The following DMD variants were observed in gnomAD, a reference collection of about 807,000 sequenced individuals.
DMD encodes the protein dystrophin, also known as mutant dystrophin.
DMD carries 63 observed loss-of-function variants against 330.1 expected under a neutral mutation model. The ratio of observed to expected loss-of-function variants is 0.19; its 90% confidence interval spans 0.16 to 0.24. The LOEUF (loss-of-function observed/expected upper bound fraction) is 0.24, where lower values mean the gene tolerates loss of function less well. Ranked by LOEUF, DMD falls within the 10% of genes least tolerant of loss-of-function variation. The pLI is 1.00. For missense variants in DMD, 3,344 were observed against 2,684.1 expected (o/e 1.25, Z -5.43); for synonymous variants, 1,223 against 959.8 (o/e 1.27, Z -5.07).
chrX:31,591,050 TGTAAGA>T (rs1247851304), intron 55 of DMD, among the ~76,000 whole-genome samples: 2 of 111,886 alleles, frequency 1.8e-5, no homozygotes, highest in African/African-American at 3.2e-5. Context: ...TGAGTTGCGC[TGTAAGA>T]GTAAAACTTA....
intron 60 of DMD, among the ~76,000 whole-genome samples, chrX:31,378,554 T>C (rs2060000585): frequency 9.0e-6 from 1 of 110,559 alleles, no homozygotes; most frequent in African/African-American, 3.3e-5. Context: ...TGCCTGATTA[T>C]TCACCCACAT....
chrX:31,767,200 T>C (rs766784966), intron 51 of DMD, among the ~76,000 whole-genome samples: 2 of 111,895 alleles, frequency 1.8e-5, no homozygotes, highest in South Asian at 7.5e-4. Flanking sequence ...AATTTCTTAA[T>C]TGGTATTTCT....
intron 44 of DMD, among the ~76,000 whole-genome samples, chrX:32,111,205 G>GA (rs1386532910): frequency 1.8e-5 from 2 of 111,750 alleles, no homozygotes; most frequent in African/African-American, 3.2e-5. Context: ...CAGAGGGATG[G>GA]AAAAAATACA....
intron 1 of DMD, among the ~76,000 whole-genome samples, chrX:33,082,249 T>C (rs111450891): frequency 0.03 from 3,393 of 112,204 alleles, 122 homozygotes; most frequent in African/African-American, 0.1. Context: ...CATAGTGCTC[T>C]TTAAAAAAGA....
rs150495168 is a variant in DMD, at chrX:32,414,294, G to A, written c.4072-2381C>T. ...CTCTGGCACCTTCTAAGTTCAGGGA[G>A]GTAATTCTTGCATGTTCTTTGAATT... On this transcript the variant is annotated intron_variant, in intron 29 of 78. Coordinates refer to ENST00000357033, the MANE Select transcript of DMD (RefSeq NM_004006.3). Among the ~76,000 whole-genome samples the A allele has an allele frequency of 1.7e-3, 194 of 111,462 alleles. 1 individual carries two copies. The East Asian group carries it at 0.027, about 15-fold the overall frequency.
chrX:32,381,190 C>A (rs939458691), intron 33 of DMD, among the ~76,000 whole-genome samples: 1 of 111,602 alleles, frequency 9.0e-6, no homozygotes, highest in African/African-American at 3.2e-5. Context: ...CTCGTTACAT[C>A]TTTAAAGTGT....
chrX:33,009,456 G>GTA (rs1209345906), intron 2 of DMD, among the ~76,000 whole-genome samples: 1 of 78,815 alleles, frequency 1.3e-5, no homozygotes, highest in Admixed American at 1.4e-4. Flanking sequence ...GTATGTATGT[G>GTA]TATACACATA....
At chrX:31,188,419 G>T (rs1215419599) in intron 67 of DMD, among the ~76,000 whole-genome samples, 1 of 111,897 alleles carries the variant, frequency 8.9e-6, no homozygotes, top group East Asian at 2.8e-4. Flanking sequence ...AAGTATGATG[G>T]CATTCACTGG....
intron 51 of DMD, among the ~76,000 whole-genome samples, chrX:31,746,521 G>T (rs1041869369): frequency 1.8e-5 from 2 of 111,891 alleles, no homozygotes; most frequent in African/African-American, 6.5e-5. Flanking sequence ...CTATTTATAA[G>T]AATTCAAATA....
intron 62 of DMD, among the ~76,000 whole-genome samples, chrX:31,289,671 A>T (rs770366583): frequency 9.0e-6 from 1 of 110,903 alleles, no homozygotes; most frequent in Non-Finnish European, 1.9e-5. Context: ...AAAAAATCAC[A>T]TAATGTATTG....
At chrX:31,423,895 T>A (rs1274957650) in intron 60 of DMD, among the ~76,000 whole-genome samples, 1 of 111,268 alleles carries the variant, frequency 9.0e-6, no homozygotes, top group Non-Finnish European at 1.9e-5. Flanking sequence ...ACAACAAACA[T>A]CTGTTAGTTG....
intron 44 of DMD, among the ~76,000 whole-genome samples, chrX:32,120,860 GTAT>G (rs2096631782): frequency 8.9e-6 from 1 of 112,155 alleles, no homozygotes; most frequent in Non-Finnish European, 1.9e-5. Flanking sequence ...GGTAAGCAAT[GTAT>G]TATAATAGCA....
At chrX:32,674,395 T>C (rs1390817547) in intron 9 of DMD, among the ~76,000 whole-genome samples, 1 of 111,605 alleles carries the variant, frequency 9.0e-6, no homozygotes, top group Admixed American at 9.6e-5. Flanking sequence ...TGAGCATCTT[T>C]GAAAGTGAAT....
intron 1 of DMD, among the ~76,000 whole-genome samples, chrX:33,247,829 G>C (rs2052694235): frequency 9.0e-6 from 1 of 111,082 alleles, no homozygotes; most frequent in African/African-American, 3.3e-5. Flanking sequence ...TTGCATGATA[G>C]TTGAATTTAA....
At chrX:33,015,929 C>G (rs1309966804) in intron 2 of DMD, among the ~76,000 whole-genome samples, 1 of 110,929 alleles carries the variant, frequency 9.0e-6, no homozygotes, top group Non-Finnish European at 1.9e-5. Context: ...TCCACAACAA[C>G]TGTTTCAGCA....
chrX:33,281,143 G>A (rs2053324009), intron 1 of DMD, among the ~76,000 whole-genome samples: 1 of 110,440 alleles, frequency 9.1e-6, no homozygotes, highest in African/African-American at 3.3e-5. Context: ...TACAGATTCT[G>A]TGCATGTTTT....
chrX:32,210,574 T>C (rs1247118322), intron 44 of DMD, among the ~76,000 whole-genome samples: 1 of 111,892 alleles, frequency 8.9e-6, no homozygotes, highest in Non-Finnish European at 1.9e-5. Context: ...TTTTTTTACA[T>C]CATATGCCTT....
At chrX:32,137,082 T>C (rs758720286) in intron 44 of DMD, among the ~76,000 whole-genome samples, 2 of 112,287 alleles carry the variant, frequency 1.8e-5, no homozygotes, top group Non-Finnish European at 3.8e-5. Flanking sequence ...AACATAAAAC[T>C]TTTTTTAAAA....
chrX:31,833,860 G>A (rs1235550168), intron 49 of DMD, among the ~76,000 whole-genome samples: 1 of 111,282 alleles, frequency 9.0e-6, no homozygotes, highest in Non-Finnish European at 1.9e-5. Context: ...CACTAATTAT[G>A]CATTTAAATA....
Sources: gnomAD v4.1 joint callset for allele counts (sites outside exome capture counted in the v4.1 genomes callset) on GRCh38, gnomAD v4.1.1 for gene constraint, MANE v1.5 for transcripts, NCBI Gene and HGNC (gene_info 2026-07-23, HGNC 2026-07-21) for gene names.